Variants in AFF1 observed in about 807,000 individuals in gnomAD.
AFF1 encodes the protein AF4/FMR2 family member 1.
AFF1 carries 48 observed loss-of-function variants against 121.7 expected under a neutral mutation model. The observed-to-expected ratio is 0.39, with a 90% CI of 0.31 to 0.50. The LOEUF is 0.50. Among genes scored for constraint, AFF1 ranks in the 20% least tolerant of loss-of-function variants. AFF1 has a pLI of 0.76. For synonymous variants in AFF1, 613 were observed against 563.0 expected (o/e 1.09, Z -1.26); for missense variants, 1,523 against 1,511.7 (o/e 1.01, Z -0.12).
chr4:86,945,395 G>A (rs1720783402), intron 1 of AFF1, among the ~76,000 whole-genome samples: 1 of 143,872 alleles, frequency 7.0e-6, no homozygotes, highest in Non-Finnish European at 1.5e-5. Flanking sequence ...TGTGATCACA[G>A]CTCACTGTAG....
At chr4:87,006,621 G>C (rs1004665838) in intron 2 of AFF1, among the ~76,000 whole-genome samples, 8 of 152,256 alleles carry the variant, frequency 5.3e-5, no homozygotes, top group Non-Finnish European at 1.5e-5. Flanking sequence ...AGCGAACGTG[G>C]TTTACTGCCG....
At position 87,108,328 on chromosome 4, in the gene AFF1, C is replaced by A; in HGVS notation, c.1533+13C>A. 6.2e-7 allele frequency: 1 copy of A among 1,610,856 alleles called. No homozygotes were observed. Among genetic ancestry groups the A allele is most frequent in the Non-Finnish European group, 8.5e-7 (1 of 1,179,502 alleles). ...CCCAGCTCCGGAGGTACCGTGTTCC[C>A]CCTCGAGATGGCCACCTTAGATGGC... On this transcript the variant is annotated intron_variant, in intron 11 of 20. Transcript: ENST00000395146.
intron 2 of AFF1, among the ~76,000 whole-genome samples, chr4:86,949,381 C>G (rs903287921): frequency 6.6e-6 from 1 of 150,552 alleles, no homozygotes. Flanking sequence ...TCCCAAAGTG[C>G]TGGAATTACA....
At chr4:87,100,842 A>C (rs565035723) in intron 8 of AFF1, among the ~76,000 whole-genome samples, 4 of 152,344 alleles carry the variant, frequency 2.6e-5, no homozygotes, top group African/African-American at 9.6e-5. Flanking sequence ...GATTTAATCT[A>C]CTGATTTAAC....
intron 2 of AFF1, among the ~76,000 whole-genome samples, chr4:86,995,299 TCC>T (rs1553914224): frequency 2.6e-5 from 1 of 38,242 alleles, no homozygotes; most frequent in Non-Finnish European, 5.1e-5. Flanking sequence ...CCCCTCTCCC[TCC>T]CTCCCCCTCT....
chr4:87,023,189 C>T (rs1728203773), intron 2 of AFF1, among the ~76,000 whole-genome samples: 1 of 152,134 alleles, frequency 6.6e-6, no homozygotes, highest in Non-Finnish European at 1.5e-5. Context: ...GTGTAAGCCA[C>T]TGTGCCCAGC....
intron 2 of AFF1, among the ~76,000 whole-genome samples, chr4:86,991,834 CTTTTTTTTTT>C (rs34804329): frequency 4.6e-4 from 52 of 113,688 alleles, no homozygotes; most frequent in South Asian, 4.0e-3. Context: ...CTTCAAATTG[CTTTTTTTTTT>C]TTTTTTTTTT....
At position 87,022,807 on chromosome 4, in the gene AFF1, GCACA is replaced by G. The variant is rs1178335112; in HGVS notation, c.39-23349_39-23346del. On this transcript the variant is annotated intron_variant, in intron 2 of 20. Transcript: ENST00000395146. ...ACATATCACGTGTGTGTATATATAT[GCACA>G]CACACACACGAATGTTAGCAAAGAA... 5.3e-5 allele frequency among the ~76,000 whole-genome samples: 8 copies of G among 149,906 alleles called. No individual in the cohort carries two copies. The South Asian group carries it at 1.0e-3, about 20-fold the overall frequency.
rs1047286810 is a variant in AFF1 at position 87,058,852 on chromosome 4, C to T, written c.1059+11258C>T. 5.9e-5 allele frequency among the ~76,000 whole-genome samples: 9 copies of T among 152,280 alleles called. No homozygotes were observed. In the South Asian group the frequency reaches 6.2e-4, roughly 11 times the overall value. On this transcript the variant is annotated intron_variant, in intron 4 of 20. Coordinates refer to ENST00000395146, the MANE Select transcript of AFF1 (RefSeq NM_001166693.3). ...CATTGCAGCCTGCTCTGTGCCTTCA[C>T]GCCACTGCCTCTGCCGGCAGGAGCC...
At position 87,105,526 on chromosome 4, in the gene AFF1, C is replaced by T. The variant is rs374459733; in HGVS notation, c.1284-102C>T. On this transcript the variant is annotated intron_variant, in intron 8 of 20. Transcript: ENST00000395146. ...ATAAATAAAGAAAACTTACACATAT[C>T]CTCTCTCTTTGTTTAATTAGGCATA... is the stretch of plus-strand genomic sequence containing the variant. The T allele has an allele frequency of 1.4e-4, 185 of 1,292,024 alleles. 1 individual carries two copies. In the African/African-American group the frequency reaches 2.5e-3, roughly 17 times the overall value. 80.0% of individuals were successfully genotyped at this position (1,292,024 alleles called of 1,614,324 possible). A position where few individuals can be genotyped will look rare whatever the true frequency, so the allele number is the denominator to read the frequency against.
intron 2 of AFF1, among the ~76,000 whole-genome samples, chr4:87,039,510 G>A (rs931026861): frequency 2.0e-5 from 3 of 152,198 alleles, no homozygotes; most frequent in Non-Finnish European, 4.4e-5. Context: ...AAACGTCTGT[G>A]GCACAGTCCC....
At chr4:87,070,890 C>T (rs1721965238) in intron 4 of AFF1, among the ~76,000 whole-genome samples, 1 of 152,102 alleles carries the variant, frequency 6.6e-6, no homozygotes, top group East Asian at 1.9e-4. Flanking sequence ...TAGGCGAGGA[C>T]GATAGTGTTT....
At chr4:87,068,396 G>A (rs1021869769) in intron 4 of AFF1, among the ~76,000 whole-genome samples, 1 of 152,076 alleles carries the variant, frequency 6.6e-6, no homozygotes. Flanking sequence ...CTGCCTATTA[G>A]GCAGGTTTTA....
intron 1 of AFF1, among the ~76,000 whole-genome samples, chr4:86,942,162 AT>A (rs1435767545): frequency 1.3e-5 from 2 of 152,164 alleles, no homozygotes; most frequent in Non-Finnish European, 2.9e-5. Flanking sequence ...AGATGAAGTA[AT>A]TGGTTTACTT....
intron 12 of AFF1, among the ~76,000 whole-genome samples, chr4:87,122,828 A>G (rs1400245474): frequency 1.4e-5 from 2 of 147,494 alleles, no homozygotes; most frequent in East Asian, 2.0e-4. Context: ...TGTAATTTAA[A>G]CTTTTCTAAT....
At chr4:86,949,180 ATTT>A (rs34958148) in intron 2 of AFF1, among the ~76,000 whole-genome samples, 40 of 137,734 alleles carry the variant, frequency 2.9e-4, no homozygotes, top group African/African-American at 2.9e-4. Flanking sequence ...ATATATATAT[ATTT>A]TTTTTTTTTG....
intron 1 of AFF1, among the ~76,000 whole-genome samples, chr4:86,942,831 G>C (rs763374327): frequency 6.6e-6 from 1 of 152,246 alleles, no homozygotes; most frequent in African/African-American, 2.4e-5. Flanking sequence ...AGGCAAAGCA[G>C]AAAAAGTCAG....
chr4:87,007,237 C>T (rs1342882881), intron 2 of AFF1: 36 of 1,478,498 alleles, frequency 2.4e-5, no homozygotes, highest in Non-Finnish European at 2.9e-5. Context: ...GAGCCCGGGG[C>T]TGCGCCGAGG....
Position 87,047,282 on chromosome 4 carries a change from A to G in AFF1, c.747A>G (p.Pro249=). Residue 249 remains proline, a synonymous_variant, in exon 4 of 21, where the codon CCA becomes CCG. Coordinates refer to ENST00000395146, the MANE Select transcript of AFF1 (RefSeq NM_001166693.3). Reference sequence around the variant, plus strand: ...GCAATAACAGTAAAGGCTATTGCCCAGCCAAATCTCCCAAGGACCTAGCAG... The same window carrying G: ...GCAATAACAGTAAAGGCTATTGCCCGGCCAAATCTCCCAAGGACCTAGCAG... ...GSSNNSKGYC[P]AKSPKDLAVK... The G allele has an allele frequency of 1.2e-6, 2 of 1,614,226 alleles. No homozygotes were observed. The highest frequency in any genetic ancestry group is 1.7e-6 in the Non-Finnish European group (2 of 1,180,044).
Sources: gnomAD v4.1 joint callset for allele counts (sites outside exome capture counted in the v4.1 genomes callset) on GRCh38, gnomAD v4.1.1 for gene constraint, MANE v1.5 for transcripts, NCBI Gene and HGNC (gene_info 2026-07-23, HGNC 2026-07-21) for gene names.